ZZZ3: variants seen among roughly 807,000 people sequenced by gnomAD.
ZZZ3 encodes ZZ-type zinc finger-containing protein 3.
Under a neutral mutation model 95.2 loss-of-function variants are expected in ZZZ3, and 22 were observed. The ratio of observed to expected loss-of-function variants is 0.23; its 90% CI spans 0.17 to 0.33. The LOEUF (loss-of-function observed/expected upper bound fraction) is 0.33. ZZZ3 is among the 10% of genes least tolerant of loss of function. The pLI is 1.00. For synonymous variants in ZZZ3, 335 were observed against 358.9 expected (o/e 0.93, Z 0.75); for missense variants, 885 against 1,066.5 (o/e 0.83, Z 2.37).
intron 5 of ZZZ3, among the ~76,000 whole-genome samples, chr1:77,598,962 T>C (rs1224474930): frequency 1.3e-5 from 2 of 152,130 alleles, no homozygotes; most frequent in African/African-American, 2.4e-5. Flanking sequence ...GGCCCCATTA[T>C]ATCTGGCACA....
At chr1:77,603,237 C>T (rs1203543290) in intron 5 of ZZZ3, among the ~76,000 whole-genome samples, 1 of 152,080 alleles carries the variant, frequency 6.6e-6, no homozygotes, top group Non-Finnish European at 1.5e-5. Flanking sequence ...AGCCACAATG[C>T]CCAGCTATTT....
At chr1:77,581,372 A>G (rs1268579129) in intron 8 of ZZZ3, among the ~76,000 whole-genome samples, 2 of 152,208 alleles carry the variant, frequency 1.3e-5, no homozygotes, top group South Asian at 2.1e-4. Context: ...ACTGAGGTTC[A>G]TCTAACTAAG....
chr1:77,660,925 A>G (rs1670720980), intron 1 of ZZZ3, among the ~76,000 whole-genome samples: 1 of 152,192 alleles, frequency 6.6e-6, no homozygotes, highest in South Asian at 2.1e-4. Context: ...AACACACAAT[A>G]AACACAAACA....
chr1:77,578,689 T>C, intron 11 of ZZZ3, 85 bp downstream of exon 11: 5 of 783,822 alleles, frequency 6.4e-6, no homozygotes, highest in Non-Finnish European at 9.2e-6. Flanking sequence ...TACAACACTA[T>C]TCTGTCAAAT....
intron 5 of ZZZ3, among the ~76,000 whole-genome samples, chr1:77,621,213 C>G (rs1226121876): frequency 1.3e-5 from 2 of 151,934 alleles, no homozygotes; most frequent in Non-Finnish European, 2.9e-5. Context: ...ACACTACTGG[C>G]CAGGCACAGT....
rs748013749 is a variant in ZZZ3 at position 77,568,332 on chromosome 1, C to T, written c.2466G>A (p.Lys822=). The change falls in exon 13 of 15, where the codon AAG becomes AAA. Residue 822 remains lysine, a splice_region_variant and synonymous_variant. Transcript: ENST00000370801. ...AATCCTAAAATTAAATAGAACTTAC[C>T]TTAAAGCCCACATGTTGCACAAATC... ...ESGFVQHVGF[K]CDNCGIEPIQ... 14 of 1,576,468 alleles carry T rather than the reference C, an allele frequency of 8.9e-6. No individual in the cohort carries two copies. The East Asian group carries it at 3.0e-4, about 33-fold the overall frequency.
At chr1:77,665,796 A>C (rs1671190937) in intron 1 of ZZZ3, among the ~76,000 whole-genome samples, 1 of 152,062 alleles carries the variant, frequency 6.6e-6, no homozygotes, top group Non-Finnish European at 1.5e-5. Flanking sequence ...TAATCCCAGC[A>C]CTTTGGGAGG....
chr1:77,651,257 TGCCTGTGATCCCA>T (rs1455514303), intron 1 of ZZZ3, among the ~76,000 whole-genome samples: 2 of 152,086 alleles, frequency 1.3e-5, no homozygotes, highest in Non-Finnish European at 2.9e-5. Flanking sequence ...TAGTGGTGTG[TGCCTGTGATCCCA>T]GCTACTTGGG....
Position 77,580,715 on chromosome 1 carries a change from T to C in ZZZ3, c.1980+283A>G, listed in dbSNP as rs1052075780. 2.3e-5 allele frequency: 6 copies of C among 264,350 alleles called. No individual in the cohort carries two copies. In the Admixed American group the frequency reaches 2.8e-4, roughly 12 times the overall value. 16.4% of individuals were successfully genotyped at this position (264,350 alleles called of 1,614,324 possible). On this transcript the variant is annotated intron_variant, in intron 9 of 14. Transcript: ENST00000370801. The stretch of plus-strand genomic sequence containing the variant: ...CATGATCCTGGCTCAATGCAACCTC[T>C]GCCTCCTGGGTTCAAGCAATTCTCC...
intron 1 of ZZZ3, among the ~76,000 whole-genome samples, chr1:77,674,009 GGA>G (rs1491468293): frequency 2.0e-5 from 1 of 50,556 alleles, no homozygotes. Context: ...TTTTTAAGTA[GGA>G]AAAAAAAAAA....
chr1:77,583,982 T>TA lies in ZZZ3; in HGVS notation c.1644+534dup, dbSNP rs1255226803. 3.3e-5 allele frequency among the ~76,000 whole-genome samples: 5 copies of TA among 152,236 alleles called. No individual in the cohort carries two copies. The East Asian group carries it at 9.6e-4, about 29-fold the overall frequency. On this transcript the variant is annotated intron_variant, in intron 6 of 14. Coordinates refer to ENST00000370801, the MANE Select transcript of ZZZ3 (RefSeq NM_015534.6). ...CAAAATTATGGAGAATTTTCCCACTTAAAAAAAGCATTTTAAAATTAAGTA... is the reference window on the plus strand; with the variant it reads ...CAAAATTATGGAGAATTTTCCCACTTAAAAAAAAGCATTTTAAAATTAAGTA...
At chr1:77,656,356 TAATA>T (rs1244137433) in intron 1 of ZZZ3, among the ~76,000 whole-genome samples, 1 of 152,140 alleles carries the variant, frequency 6.6e-6, no homozygotes, top group African/African-American at 2.4e-5. Flanking sequence ...CAGTGACAGG[TAATA>T]AATAAATGAC....
intron 5 of ZZZ3, among the ~76,000 whole-genome samples, chr1:77,598,376 G>C (rs1314472935): frequency 6.6e-6 from 1 of 152,090 alleles, no homozygotes; most frequent in East Asian, 1.9e-4. Flanking sequence ...ATAGGCTGAG[G>C]AGAAGGAAGA....
chr1:77,664,843 T>A (rs988684382), intron 1 of ZZZ3, among the ~76,000 whole-genome samples: 3 of 152,242 alleles, frequency 2.0e-5, no homozygotes, highest in African/African-American at 7.2e-5. Context: ...ATTAATGAAA[T>A]GTTCTTAATG....
chr1:77,591,900 A>T (rs537598887), intron 5 of ZZZ3, among the ~76,000 whole-genome samples: 6 of 152,310 alleles, frequency 3.9e-5, no homozygotes, highest in Non-Finnish European at 5.9e-5. Context: ...CAGGGGCAAA[A>T]GGAGAACTAA....
At chr1:77,655,402 CT>C (rs1478612201) in intron 1 of ZZZ3, among the ~76,000 whole-genome samples, 3 of 152,144 alleles carry the variant, frequency 2.0e-5, no homozygotes, top group African/African-American at 7.2e-5. Context: ...ATTACCTTTA[CT>C]TTGATTGGGT....
chr1:77,578,978 T>A (rs532689076), intron 10 of ZZZ3, 109 bp from the exon 11 acceptor site: 4 of 477,472 alleles, frequency 8.4e-6, no homozygotes, highest in African/African-American at 8.0e-5. Flanking sequence ...AAGAATTCAA[T>A]ACTCATCATG....
chr1:77,576,123 T>C lies in ZZZ3; in HGVS notation c.2276A>G (p.Asp759Gly). Residue 759 changes from aspartate (D) to glycine (G), a missense_variant, in exon 12 of 15, where the codon GAT becomes GGT. By Grantham distance (94) the Asp-to-Gly change is moderately conservative. Around this residue, in one of 5 missense-constraint regions of ZZZ3, gnomAD observed 221 missense variants for 247.8 expected, o/e 0.89. Transcript: ENST00000370801. ...GCTATGAAAACAAGATCGGTCATCATCTTCATCCATATACACTGGCGGTTC... is the reference window on the plus strand; with the variant it reads ...GCTATGAAAACAAGATCGGTCATCACCTTCATCCATATACACTGGCGGTTC... The part of the protein sequence containing the change: ...SHEPPVYMDE[D>G]DDRSCFHSHM... 6.2e-7 allele frequency: 1 copy of C among 1,613,250 alleles called. No individual in the cohort carries two copies. Among genetic ancestry groups the C allele is most frequent in the Non-Finnish European group, 8.5e-7 (1 of 1,179,804 alleles).
intron 5 of ZZZ3, among the ~76,000 whole-genome samples, chr1:77,622,995 C>A (rs552334893): frequency 2.0e-5 from 3 of 152,306 alleles, no homozygotes; most frequent in Admixed American, 2.0e-4. Flanking sequence ...TCAGAGACAT[C>A]CACTTACAGT....
Sources: gnomAD v4.1 joint callset for allele counts (sites outside exome capture counted in the v4.1 genomes callset) on GRCh38, gnomAD v4.1.1 for gene constraint, gnomAD v4.1.1 regional missense constraint, MANE v1.5 for transcripts, NCBI Gene and HGNC (gene_info 2026-07-23, HGNC 2026-07-21) for gene names.